The following WDR70 variants were observed in gnomAD, a reference collection of about 807,000 sequenced individuals.
WDR70 encodes WD repeat domain 70.
Under a neutral mutation model 88.6 loss-of-function variants are expected in WDR70, and 53 were observed. The ratio of observed to expected loss-of-function variants is 0.60; its 90% CI spans 0.48 to 0.75. The LOEUF is 0.75. WDR70 is among the 30% of genes least tolerant of loss of function. The probability of loss-of-function intolerance (pLI) is 0.00; values close to 1 mark genes in which losing one functional copy is unlikely to be tolerated. For missense variants in WDR70, 610 were observed against 823.2 expected (o/e 0.74, Z 3.17); for synonymous variants, 280 against 270.0 (o/e 1.04, Z -0.36).
chr5:37,494,259 T>C (rs550867149), intron 8 of WDR70, among the ~76,000 whole-genome samples: 272 of 152,228 alleles, frequency 1.8e-3, no homozygotes, highest in Non-Finnish European at 3.0e-3. Context: ...TTGGGAGATA[T>C]TGGGATAGGG....
chr5:37,595,344 A>G (rs534470911), intron 9 of WDR70, among the ~76,000 whole-genome samples: 2 of 152,330 alleles, frequency 1.3e-5, no homozygotes, highest in African/African-American at 4.8e-5. Context: ...TGAAAATAAT[A>G]CCAGTGATTA....
intron 5 of WDR70, among the ~76,000 whole-genome samples, chr5:37,412,791 GATAC>G (rs1415246537): frequency 6.6e-6 from 1 of 152,110 alleles, no homozygotes; most frequent in African/African-American, 2.4e-5. Context: ...CTCTTTCCCT[GATAC>G]ATGGGGAGAG....
At chr5:37,599,899 G>GA (rs57341673) in intron 9 of WDR70, among the ~76,000 whole-genome samples, 7,053 of 137,626 alleles carry the variant, frequency 0.051, 541 homozygotes, top group African/African-American at 0.18. Flanking sequence ...TCTCAAAAAA[G>GA]AAAAAAAAAA....
intron 9 of WDR70, among the ~76,000 whole-genome samples, chr5:37,590,727 A>C (rs938878551): frequency 6.6e-6 from 1 of 152,074 alleles, no homozygotes; most frequent in African/African-American, 2.4e-5. Context: ...CAGCCACTAG[A>C]AGCTTGAAAA....
chr5:37,523,303 A>G (rs1192781648), intron 9 of WDR70, among the ~76,000 whole-genome samples: 1 of 152,252 alleles, frequency 6.6e-6, no homozygotes, highest in Non-Finnish European at 1.5e-5. Context: ...ACGATCAGGC[A>G]GCAACATTTG....
intron 10 of WDR70, among the ~76,000 whole-genome samples, chr5:37,628,744 G>A (rs958144267): frequency 2.6e-5 from 4 of 152,096 alleles, no homozygotes; most frequent in Admixed American, 1.3e-4. Context: ...TGATTTTCTG[G>A]TTATTTTGCA....
At chr5:37,425,998 T>C (rs1430301320) in intron 5 of WDR70, among the ~76,000 whole-genome samples, 1 of 152,204 alleles carries the variant, frequency 6.6e-6, no homozygotes, top group Non-Finnish European at 1.5e-5. Flanking sequence ...TATAGGTTTG[T>C]TGTTGAGAGA....
intron 10 of WDR70, among the ~76,000 whole-genome samples, chr5:37,643,159 G>A (rs1745149913): frequency 6.6e-6 from 1 of 151,964 alleles, no homozygotes; most frequent in South Asian, 2.1e-4. Context: ...TTTGGTTGTT[G>A]TATATGCGGA....
chr5:37,467,533 AATT>A (rs1476087595), intron 7 of WDR70, among the ~76,000 whole-genome samples: 1 of 86,046 alleles, frequency 1.2e-5, no homozygotes. Context: ...TTATCATATG[AATT>A]TTTTTTTTTT....
chr5:37,540,227 C>G (rs892271164), intron 9 of WDR70, among the ~76,000 whole-genome samples: 1 of 152,112 alleles, frequency 6.6e-6, no homozygotes, highest in Non-Finnish European at 1.5e-5. Context: ...AGAACAAATA[C>G]GTTTGCTGAA....
intron 10 of WDR70, among the ~76,000 whole-genome samples, chr5:37,693,772 A>G (rs1039560572): frequency 6.6e-6 from 1 of 152,198 alleles, no homozygotes; most frequent in East Asian, 1.9e-4. Flanking sequence ...AACCTAGGCA[A>G]TATCATTCAG....
intron 10 of WDR70, among the ~76,000 whole-genome samples, chr5:37,633,476 AT>A (rs963630359): frequency 3.3e-5 from 5 of 151,666 alleles, no homozygotes; most frequent in African/African-American, 4.8e-5. Flanking sequence ...CTTAAATGGA[AT>A]TTTTTTGACA....
chr5:37,446,520 T>C (rs1169340524), intron 7 of WDR70, among the ~76,000 whole-genome samples: 3 of 152,260 alleles, frequency 2.0e-5, no homozygotes, highest in South Asian at 2.1e-4. Flanking sequence ...GGAGGCATCA[T>C]GCTACCTGAC....
At chr5:37,621,954 C>T (rs1388307176) in intron 10 of WDR70, among the ~76,000 whole-genome samples, 1 of 152,092 alleles carries the variant, frequency 6.6e-6, no homozygotes, top group Non-Finnish European at 1.5e-5. Context: ...TATGGCTAGC[C>T]AGTTTTCCCA....
chr5:37,728,364 C>CAAAAAAAAAAAAAAAAAAAAAAA (rs5867361), intron 17 of WDR70, among the ~76,000 whole-genome samples: 2 of 134,318 alleles, frequency 1.5e-5, no homozygotes, highest in Non-Finnish European at 1.6e-5. Flanking sequence ...AAAAAAAAAA[C>CAAAAAAAAAAAAAAAAAAAAAAA]AAAAAAAAAA....
intron 10 of WDR70, among the ~76,000 whole-genome samples, chr5:37,662,896 G>A (rs1745738770): frequency 6.6e-6 from 1 of 152,156 alleles, no homozygotes; most frequent in Non-Finnish European, 1.5e-5. Context: ...AATCTGAGAG[G>A]TTTTTAACAA....
In WDR70 at chr5:37,485,916, C is replaced by T. The variant is rs567032553; in HGVS notation, c.840+5929C>T. 5.6e-5 allele frequency among the ~76,000 whole-genome samples: 8 copies of T among 143,368 alleles called. No individual in the cohort carries two copies. The South Asian group carries it at 8.8e-4, about 16-fold the overall frequency. 94.1% of individuals were successfully genotyped at this position (143,368 alleles called of 152,430 possible). On this transcript the variant is annotated intron_variant, in intron 8 of 17. Transcript: ENST00000265107. Reference sequence around the variant, plus strand: ...TTTTAGTAGAGACGGGGTTTCACCACGTTGGCCAGGCTGGTCTCGAACTCC... The same window carrying T: ...TTTTAGTAGAGACGGGGTTTCACCATGTTGGCCAGGCTGGTCTCGAACTCC...
At chr5:37,642,019 T>C in intron 10 of WDR70, among the ~76,000 whole-genome samples, 1 of 152,216 alleles carries the variant, frequency 6.6e-6, no homozygotes, top group South Asian at 2.1e-4. Context: ...CATACACCTA[T>C]AGGAATTTTG....
chr5:37,704,334 T>C (rs1195036586), intron 13 of WDR70, among the ~76,000 whole-genome samples: 1 of 152,208 alleles, frequency 6.6e-6, no homozygotes, highest in Non-Finnish European at 1.5e-5. Context: ...ACTATGCCTC[T>C]AAATGACTAT....
Sources: gnomAD v4.1 joint callset for allele counts (sites outside exome capture counted in the v4.1 genomes callset) on GRCh38, gnomAD v4.1.1 for gene constraint, MANE v1.5 for transcripts, NCBI Gene and HGNC (gene_info 2026-07-23, HGNC 2026-07-21) for gene names.